TMEM232: variants seen among roughly 807,000 people sequenced by gnomAD.
TMEM232 encodes transmembrane protein 232.
TMEM232 carries 80 observed loss-of-function variants against 78.8 expected under a neutral mutation model. That is an observed-to-expected ratio of 1.01 (90% CI 0.85 to 1.22). The LOEUF (loss-of-function observed/expected upper bound fraction) is 1.22, where lower values mean the gene tolerates loss of function less well. Ranked by LOEUF, TMEM232 falls within the 50% of genes most tolerant of loss-of-function variation. The pLI, the probability that TMEM232 is intolerant of heterozygous loss-of-function variation, is 0.00. For missense variants in TMEM232, 881 were observed against 742.2 expected (o/e 1.19, Z -2.17); for synonymous variants, 297 against 254.3 (o/e 1.17, Z -1.60).
intron 11 of TMEM232, among the ~76,000 whole-genome samples, chr5:110,566,530 T>C (rs2149677713): frequency 6.6e-6 from 1 of 152,064 alleles, no homozygotes; most frequent in Middle Eastern, 3.4e-3. Flanking sequence ...TCCACAGATC[T>C]CTAGAGCAGG....
intron 12 of TMEM232, among the ~76,000 whole-genome samples, chr5:110,512,749 A>AT (rs1197997346): frequency 1.3e-5 from 2 of 152,160 alleles, no homozygotes; most frequent in African/African-American, 4.8e-5. Context: ...CAAAGAGCAC[A>AT]CAAAAAACAA....
chr5:110,652,942 T>G (rs1788539853), intron 2 of TMEM232, among the ~76,000 whole-genome samples: 1 of 152,190 alleles, frequency 6.6e-6, no homozygotes, highest in South Asian at 2.1e-4. Flanking sequence ...TACTGAAGTC[T>G]CCTGGTTAAA....
At chr5:110,437,835 A>T (rs771303359) in intron 12 of TMEM232, among the ~76,000 whole-genome samples, 1 of 152,094 alleles carries the variant, frequency 6.6e-6, no homozygotes, top group African/African-American at 2.4e-5. Flanking sequence ...ACAAAATCCA[A>T]TCAGGCTGGC....
chr5:110,532,652 T>C (rs190312903), intron 11 of TMEM232, among the ~76,000 whole-genome samples: 128 of 152,182 alleles, frequency 8.4e-4, no homozygotes, highest in African/African-American at 2.9e-3. Flanking sequence ...ATTCCTGGAC[T>C]ACAGCTATAT....
intron 10 of TMEM232, among the ~76,000 whole-genome samples, chr5:110,580,682 A>C (rs1009420573): frequency 2.6e-5 from 4 of 151,760 alleles, no homozygotes; most frequent in African/African-American, 9.7e-5. Context: ...ACAATACTAA[A>C]GACTAAATAG....
Position 110,539,259 on chromosome 5 carries a change from C to G in TMEM232, c.1456-10424G>C, listed in dbSNP as rs185641280. Among the ~76,000 whole-genome samples, 33 of 152,274 alleles carry G rather than the reference C, an allele frequency of 2.2e-4. 1 individual carries two copies. The highest frequency in any genetic ancestry group is 1.9e-3 in the Admixed American group (29 of 15,292). On this transcript the variant is annotated intron_variant, in intron 11 of 13. Transcript: ENST00000455884. ...AATTAAGCTGGAAGCAAGAAAAGGCCTAGCACCCAGAGGTGAGGTATTACT... is the reference window on the plus strand; with the variant it reads ...AATTAAGCTGGAAGCAAGAAAAGGCGTAGCACCCAGAGGTGAGGTATTACT...
At chr5:110,501,780 A>G (rs1242366438) in intron 12 of TMEM232, among the ~76,000 whole-genome samples, 2 of 152,176 alleles carry the variant, frequency 1.3e-5, no homozygotes, top group African/African-American at 4.8e-5. Context: ...AAATACCTCA[A>G]AAATCACTGG....
chr5:110,523,966 A>AGGC (rs1554098554), intron 12 of TMEM232, among the ~76,000 whole-genome samples: 1 of 41,240 alleles, frequency 2.4e-5, no homozygotes, highest in African/African-American at 7.7e-5. Context: ...AAAAAAAAAA[A>AGGC]GGGGGGGGGG....
At chr5:110,592,434 T>A (rs1002132717) in intron 10 of TMEM232, among the ~76,000 whole-genome samples, 2 of 152,186 alleles carry the variant, frequency 1.3e-5, no homozygotes, top group African/African-American at 4.8e-5. Context: ...TTATGGCTTC[T>A]ACAAGAAGTT....
intron 8 of TMEM232, among the ~76,000 whole-genome samples, chr5:110,610,067 T>C (rs761032254): frequency 1.3e-5 from 2 of 151,768 alleles, no homozygotes; most frequent in Non-Finnish European, 2.9e-5. Context: ...GCAAAGAAAT[T>C]AAAATGTAAA....
intron 1 of TMEM232, among the ~76,000 whole-genome samples, chr5:110,681,599 G>C (rs889733755): frequency 6.6e-6 from 1 of 152,218 alleles, no homozygotes; most frequent in African/African-American, 2.4e-5. Flanking sequence ...AAGGGGGTTT[G>C]TGTTATTCAT....
Position 110,640,912 on chromosome 5 carries a change from A to T in TMEM232, c.322T>A (p.Cys108Ser), listed in dbSNP as rs1220252498. The T allele has an allele frequency of 6.5e-7, 1 of 1,535,942 alleles. No homozygotes were observed. Among genetic ancestry groups the T allele is most frequent in the East Asian group, 2.5e-5 (1 of 40,306 alleles). Residue 108 changes from cysteine (C) to serine (S), a missense_variant, in exon 4 of 14, where the codon TGC becomes AGC. Cys to Ser is a moderately radical substitution (Grantham distance 112). Transcript: ENST00000455884. ...AWTEVIYLAQ[C>S]KGEIQDESLN... Reference sequence around the variant, plus strand: ...GTACCATCTTGGATTTCCCCTTTGCATTGAGCCAGATATATTACTTCAGTC... The same window carrying T: ...GTACCATCTTGGATTTCCCCTTTGCTTTGAGCCAGATATATTACTTCAGTC...
At chr5:110,616,915 T>C (rs985374286) in intron 8 of TMEM232, among the ~76,000 whole-genome samples, 5 of 152,244 alleles carry the variant, frequency 3.3e-5, no homozygotes, top group South Asian at 2.1e-4. Context: ...GATCTAACAA[T>C]CCCACTTCTA....
At chr5:110,702,263 G>T (rs1795507704) in intron 1 of TMEM232, among the ~76,000 whole-genome samples, 2 of 151,934 alleles carry the variant, frequency 1.3e-5, no homozygotes, top group South Asian at 4.1e-4. Flanking sequence ...CATGCTGAGG[G>T]TTCTAACCCA....
At chr5:110,706,158 G>A (rs970520956) in intron 1 of TMEM232, among the ~76,000 whole-genome samples, 1 of 152,030 alleles carries the variant, frequency 6.6e-6, no homozygotes, top group Admixed American at 6.6e-5. Flanking sequence ...AGCAGCAAAA[G>A]ATTGTCCAAA....
At chr5:110,625,962 C>T (rs915510487) in intron 6 of TMEM232, among the ~76,000 whole-genome samples, 3 of 147,052 alleles carry the variant, frequency 2.0e-5, no homozygotes, top group African/African-American at 7.6e-5. Flanking sequence ...CTCAGTGCTG[C>T]TCTTTGTATA....
chr5:110,477,964 T>A (rs564000356), intron 12 of TMEM232, among the ~76,000 whole-genome samples: 1 of 152,082 alleles, frequency 6.6e-6, no homozygotes, highest in East Asian at 1.9e-4. Context: ...TAATATCTTT[T>A]ATATTTATGT....
chr5:110,540,265 T>A (rs951515248), intron 11 of TMEM232, among the ~76,000 whole-genome samples: 11 of 152,114 alleles, frequency 7.2e-5, no homozygotes, highest in Non-Finnish European at 2.9e-5. Flanking sequence ...GATGGCCAAG[T>A]TTCCCGTGGG....
At chr5:110,560,492 C>A (rs116494289) in intron 11 of TMEM232, among the ~76,000 whole-genome samples, 5 of 152,028 alleles carry the variant, frequency 3.3e-5, no homozygotes, top group Admixed American at 6.6e-5. Context: ...ATTTTTCCAA[C>A]GGCCAGAGCT....
Sources: allele counts gnomAD v4.1 joint callset (sites outside exome capture counted in the v4.1 genomes callset), GRCh38; gene constraint gnomAD v4.1.1; transcripts MANE v1.5; gene names NCBI Gene and HGNC (gene_info 2026-07-23, HGNC 2026-07-21).